Variants in TRIM9 observed in about 807,000 individuals in gnomAD.
TRIM9 encodes tripartite motif containing 9.
In TRIM9, 26 loss-of-function variants were observed where a neutral mutation model predicts 78.3. The ratio of observed to expected loss-of-function variants is 0.33; its 90% CI spans 0.24 to 0.46. TRIM9 has a LOEUF of 0.46. TRIM9 is among the 20% of genes least tolerant of loss of function. TRIM9 has a pLI of 1.00. For synonymous variants in TRIM9, 398 were observed against 416.5 expected (o/e 0.96, Z 0.54); for missense variants, 787 against 1,036.4 (o/e 0.76, Z 3.30).
At position 51,094,502 on chromosome 14, in the gene TRIM9, G is replaced by C. The variant is rs1424107219; in HGVS notation, c.438C>G (p.Pro146=). The change falls in exon 1 of 13, where the codon CCC becomes CCG. Residue 146 remains proline (P), a synonymous_variant. Transcript: ENST00000684578. ...TTACCCCTTCCAGTACGCGATTCTT[G>C]GGGAAGCCGCGGAGCCCCCGGTCAT... is the stretch of plus-strand genomic sequence containing the variant. The part of the protein sequence containing the change: ...ILDDRGLRGF[P]KNRVLEGVID... 7 of 1,613,666 alleles carry C rather than the reference G, an allele frequency of 4.3e-6. No individual in the cohort carries two copies. The East Asian group carries it at 1.3e-4, about 31-fold the overall frequency.
In TRIM9 at chr14:51,004,018, C is replaced by T. The variant is rs2055432195; in HGVS notation, c.1307-3178G>A. ...AAATCCAAAGTACTTTCCAATTAATCTATCTTTTATGGTTTGGAAAAGGAT... is the reference window on the plus strand; with the variant it reads ...AAATCCAAAGTACTTTCCAATTAATTTATCTTTTATGGTTTGGAAAAGGAT... On this transcript the variant is annotated intron_variant, in intron 5 of 12. Transcript: ENST00000684578. Among the ~76,000 whole-genome samples, 3 of 152,186 alleles carry T rather than the reference C, an allele frequency of 2.0e-5. No homozygotes were observed. The South Asian group carries it at 6.2e-4, about 31-fold the overall frequency.
At position 51,015,338 on chromosome 14, in the gene TRIM9, C is replaced by T. The variant is rs8022399; in HGVS notation, c.1042-4844G>A. Among the ~76,000 whole-genome samples the T allele has an allele frequency of 9.4e-3, 1,425 of 151,866 alleles. 27 individuals carry two copies. The highest frequency in any genetic ancestry group is 0.033 in the African/African-American group (1,343 of 41,252). ...TCCTTCCTCCAGGCAGTTCATGTGA[C>T]ACAACCAGAAGCAAGACCTGAGGTT... On this transcript the variant is annotated intron_variant, in intron 3 of 12. Coordinates refer to ENST00000684578, the MANE Select transcript of TRIM9 (RefSeq NM_001387360.1).
chr14:51,000,737 C>T lies in TRIM9; in HGVS notation c.1410G>A (p.Val470=), dbSNP rs375333472. 3.4e-4 allele frequency: 552 copies of T among 1,614,078 alleles called. 6 individuals carry two copies. The highest frequency in any genetic ancestry group is 2.8e-3 in the Admixed American group (169 of 60,008). The change falls in exon 6 of 13, where the codon GTG becomes GTA. Residue 470 remains valine (V), a synonymous_variant. Transcript: ENST00000684578. The part of the protein sequence containing the change: ...LSWKQPPLST[V]PADGYILELD... ...GCTCCAGAATGTATCCATCGGCGGG[C>T]ACCGTGGACAGAGGTGGCTGTTTCC...
At chr14:50,981,537 T>C (rs1057388864) in intron 11 of TRIM9, among the ~76,000 whole-genome samples, 2 of 152,228 alleles carry the variant, frequency 1.3e-5, no homozygotes, top group African/African-American at 4.8e-5. Context: ...TTATAATGGA[T>C]ATCCATTGGG....
intron 1 of TRIM9, among the ~76,000 whole-genome samples, chr14:51,078,359 T>C (rs898808223): frequency 6.6e-6 from 1 of 152,210 alleles, no homozygotes; most frequent in Non-Finnish European, 1.5e-5. Flanking sequence ...TATAGTAACC[T>C]TTTCAGATAT....
At chr14:51,018,084 G>A (rs1302377379) in intron 3 of TRIM9, among the ~76,000 whole-genome samples, 2 of 152,176 alleles carry the variant, frequency 1.3e-5, no homozygotes, top group Non-Finnish European at 2.9e-5. Flanking sequence ...AAAGCTTCAA[G>A]TTGTTCCAGT....
chr14:51,078,855 A>G (rs1378818232), intron 1 of TRIM9, among the ~76,000 whole-genome samples: 1 of 152,184 alleles, frequency 6.6e-6, no homozygotes. Flanking sequence ...ATAATATTGT[A>G]TTGTATTAGG....
chr14:51,004,447 T>C (rs1450289386), intron 5 of TRIM9, among the ~76,000 whole-genome samples: 3 of 152,144 alleles, frequency 2.0e-5, no homozygotes, highest in Admixed American at 6.5e-5. Flanking sequence ...ATTTTTTTTT[T>C]CAGTGATCTT....
At chr14:51,093,132 TAGGAC>T (rs1252970056) in intron 1 of TRIM9, among the ~76,000 whole-genome samples, 1 of 152,110 alleles carries the variant, frequency 6.6e-6, no homozygotes, top group African/African-American at 2.4e-5. Flanking sequence ...AGAGGTCATG[TAGGAC>T]AGGCTGAGAA....
chr14:51,014,474 T>C (rs2056930665), intron 3 of TRIM9, among the ~76,000 whole-genome samples: 1 of 152,220 alleles, frequency 6.6e-6, no homozygotes, highest in South Asian at 2.1e-4. Context: ...CCATTCACAA[T>C]GATCACAATA....
chr14:51,015,415 A>G (rs59165823), intron 3 of TRIM9, among the ~76,000 whole-genome samples: 4,022 of 140,694 alleles, frequency 0.029, 177 homozygotes, highest in African/African-American at 0.1. Context: ...ACCTTCCCCC[A>G]CCTCCATTTA....
At chr14:51,011,109 A>T (rs2056519886) in intron 3 of TRIM9, among the ~76,000 whole-genome samples, 1 of 152,220 alleles carries the variant, frequency 6.6e-6, no homozygotes, top group South Asian at 2.1e-4. Flanking sequence ...AGACGGATGC[A>T]GAATTAAGTT....
At position 51,094,302 on chromosome 14, in the gene TRIM9, G is replaced by A; in HGVS notation, c.638C>T (p.Ala213Val). 6.2e-7 allele frequency: 1 copy of A among 1,613,848 alleles called. No individual in the cohort carries two copies. Among genetic ancestry groups the A allele is most frequent in the South Asian group, 1.1e-5 (1 of 91,082 alleles). Residue 213 changes from alanine to valine, a missense_variant, in exon 1 of 13, where the codon GCC (alanine) becomes GTC (valine). Physicochemically the swap from Ala to Val is moderately conservative, Grantham distance 64 (BLOSUM62 0). Around this residue, in one of 3 missense-constraint regions of TRIM9, gnomAD observed 352 missense variants for 472.3 expected, o/e 0.75. Coordinates refer to ENST00000684578, the MANE Select transcript of TRIM9 (RefSeq NM_001387360.1). ...PLAKHRLVPPAQGRVSRRLSP... is the reference protein window; with the variant it reads ...PLAKHRLVPPVQGRVSRRLSP... ...CAGCCTCCGGCTCACACGACCCTGG[G>A]CCGGGGGCACCAGGCGGTGCTTGGC...
chr14:51,056,756 T>G (rs562260827), intron 1 of TRIM9, among the ~76,000 whole-genome samples: 3 of 152,230 alleles, frequency 2.0e-5, no homozygotes, highest in South Asian at 2.1e-4. Flanking sequence ...AATATCTTGA[T>G]ATTTCTGTCT....
chr14:51,025,373 A>G lies in TRIM9; in HGVS notation c.823-13T>C. 1.9e-6 allele frequency: 3 copies of G among 1,613,562 alleles called. No homozygotes were observed. Among genetic ancestry groups the G allele is most frequent in the Non-Finnish European group, 2.5e-6 (3 of 1,179,638 alleles). ...GGGAGAGCTGGCTCTGCAAAGACAAAGAAGGAAGCCATGGAGCTGTAATCA... is the reference window on the plus strand; with the variant it reads ...GGGAGAGCTGGCTCTGCAAAGACAAGGAAGGAAGCCATGGAGCTGTAATCA... On this transcript the variant is annotated splice_polypyrimidine_tract_variant and intron_variant, in intron 1 of 12. Transcript: ENST00000684578.
intron 3 of TRIM9, among the ~76,000 whole-genome samples, chr14:51,016,588 TTTAA>T (rs1160821550): frequency 1.3e-5 from 2 of 151,098 alleles, no homozygotes; most frequent in Middle Eastern, 3.4e-3. Context: ...AATAACATAA[TTTAA>T]TTATTACTAA....
chr14:51,006,490 C>T (rs910331732), intron 5 of TRIM9, among the ~76,000 whole-genome samples: 5 of 152,168 alleles, frequency 3.3e-5, no homozygotes, highest in African/African-American at 1.2e-4. Flanking sequence ...TGACCTTTGG[C>T]TTTTTCTTTC....
At position 51,027,472 on chromosome 14, in the gene TRIM9, T is replaced by C. The variant is rs538556603; in HGVS notation, c.823-2112A>G. Among the ~76,000 whole-genome samples, 4 of 152,294 alleles carry C rather than the reference T, an allele frequency of 2.6e-5. No homozygotes were observed. In the East Asian group the frequency reaches 7.7e-4, roughly 29 times the overall value. Reference sequence around the variant, plus strand: ...TGTTAACTCTTATTTGTTTTCTTCATTCTTGCTCACACAAACACCTGCTGA... The same window carrying C: ...TGTTAACTCTTATTTGTTTTCTTCACTCTTGCTCACACAAACACCTGCTGA... On this transcript the variant is annotated intron_variant, in intron 1 of 12. Coordinates refer to ENST00000684578, the MANE Select transcript of TRIM9 (RefSeq NM_001387360.1).
chr14:51,027,479 T>G (rs1253480395), intron 1 of TRIM9, among the ~76,000 whole-genome samples: 1 of 151,430 alleles, frequency 6.6e-6, no homozygotes. Context: ...TCATTCTTGC[T>G]CACACAAACA....
Sources: allele counts gnomAD v4.1 joint callset (sites outside exome capture counted in the v4.1 genomes callset), GRCh38; gene constraint gnomAD v4.1.1; regional missense constraint gnomAD v4.1.1; transcripts MANE v1.5; gene names NCBI Gene and HGNC (gene_info 2026-07-23, HGNC 2026-07-21).